RPL37: variants seen among roughly 807,000 people sequenced by gnomAD.
RPL37 encodes ribosomal protein L37.
A neutral mutation model predicts 14.8 loss-of-function variants in RPL37; 1 was observed. The ratio of observed to expected loss-of-function variants is 0.07; its 90% CI spans 0.02 to 0.32. The LOEUF is 0.32. Among genes scored for constraint, RPL37 ranks in the 10% least tolerant of loss-of-function variants. The probability of loss-of-function intolerance (pLI) is 1.00; values close to 1 mark genes in which losing one functional copy is unlikely to be tolerated. For synonymous variants in RPL37, 53 were observed against 45.8 expected (o/e 1.16, Z -0.63); for missense variants, 100 against 128.3 (o/e 0.78, Z 1.06).
In RPL37 at chr5:40,829,971, C is replaced by T. The variant is rs151227583; in HGVS notation, c.*2533G>A. 0.023 allele frequency: 3,463 copies of T among 152,148 alleles called. 57 individuals carry two copies. Among genetic ancestry groups the T allele is most frequent in the Middle Eastern group, 0.062 (18 of 292 alleles). 9.4% of individuals were successfully genotyped at this position (152,148 alleles called of 1,614,324 possible). A position where few individuals can be genotyped will look rare whatever the true frequency, so the allele number is the denominator to read the frequency against. The stretch of plus-strand genomic sequence containing the variant: ...ACTATAGGACGTGAGCTACCGTACC[C>T]GGCCGCCACAGATTCAACCTTTCTA... On this transcript the variant is annotated 3_prime_UTR_variant, in exon 4 of 4. Transcript: ENST00000274242.
rs1745512135 is a variant in RPL37 at position 40,826,140 on chromosome 5, C to T, written c.*6364G>A. The stretch of plus-strand genomic sequence containing the variant: ...TTACTAATTTTATTCATATAACACT[C>T]CTCAGGAGTTCAAATAATTTTAATC... On this transcript the variant is annotated 3_prime_UTR_variant, in exon 4 of 4. Transcript: ENST00000274242. The T allele has an allele frequency of 1.3e-5, 2 of 152,164 alleles. No homozygotes were observed. The highest frequency in any genetic ancestry group is 1.3e-4 in the Admixed American group (2 of 15,264). The allele number at this position is 152,164 out of a possible 1,614,324, so 9.4% of individuals were successfully genotyped here.
chr5:40,835,053 A>G (rs1745735742), intron 1 of RPL37, 130 bp downstream of exon 1: 2 of 1,283,402 alleles, frequency 1.6e-6, no homozygotes, highest in East Asian at 4.8e-5. Flanking sequence ...CTTGAGGGCC[A>G]CCGCATGCCT....
rs571540412 is a variant in RPL37 at position 40,826,371 on chromosome 5, C to G, written c.*6133G>C. 6.6e-6 allele frequency: 1 copy of G among 151,996 alleles called. No individual in the cohort carries two copies. Among genetic ancestry groups the G allele is most frequent in the African/African-American group, 2.4e-5 (1 of 41,452 alleles). 9.4% of individuals were successfully genotyped at this position (151,996 alleles called of 1,614,324 possible). ...TATTTATTATTTTATTTTTTATATC[C>G]CAGCCCTCCCATGTAAGACTGGTCA... On this transcript the variant is annotated 3_prime_UTR_variant, in exon 4 of 4. Coordinates refer to ENST00000274242, the MANE Select transcript of RPL37 (RefSeq NM_000997.5).
chr5:40,835,159 A>T (rs375326381), intron 1 of RPL37, 24 bp downstream of exon 1: 2 of 1,614,128 alleles, frequency 1.2e-6, no homozygotes, highest in Non-Finnish European at 1.7e-6. Context: ...AACGCGATTC[A>T]CAAACACCAC....
In RPL37 at chr5:40,827,732, CT is replaced by C. The variant is rs34942723; in HGVS notation, c.*4771del. The C allele has an allele frequency of 5.5e-3, 801 of 145,722 alleles. 3 individuals carry two copies. The highest frequency in any genetic ancestry group is 8.5e-3 in the South Asian group (39 of 4,592). 9.0% of individuals were successfully genotyped at this position (145,722 alleles called of 1,614,324 possible). A position where few individuals can be genotyped will look rare whatever the true frequency, so the allele number is the denominator to read the frequency against. On this transcript the variant is annotated 3_prime_UTR_variant, in exon 4 of 4. Coordinates refer to ENST00000274242, the MANE Select transcript of RPL37 (RefSeq NM_000997.5). ...ATTTTGCTTAAGTCCTTCCTTTATC[CT>C]TTTTTTTTTTTGAGATGGAGTCTCG...
In RPL37 at chr5:40,826,580, G is replaced by T. The variant is rs1409249965; in HGVS notation, c.*5924C>A. ...GAAGCCCTTCAGAGAGCTTTGAAAT[G>T]TGTTTCGTACAACCATTTAGCTGGG... is the stretch of plus-strand genomic sequence containing the variant. On this transcript the variant is annotated 3_prime_UTR_variant, in exon 4 of 4. Transcript: ENST00000274242. 6.6e-6 allele frequency: 1 copy of T among 152,206 alleles called. No homozygotes were observed. The highest frequency in any genetic ancestry group is 1.5e-5 in the Non-Finnish European group (1 of 68,044). 9.4% of individuals were successfully genotyped at this position (152,206 alleles called of 1,614,324 possible).
Position 40,827,906 on chromosome 5 carries a change from T to G in RPL37, c.*4598A>C, listed in dbSNP as rs1408802767. The G allele has an allele frequency of 6.6e-6, 1 of 152,110 alleles. No homozygotes were observed. The highest frequency in any genetic ancestry group is 1.5e-5 in the Non-Finnish European group (1 of 68,040). 9.4% of individuals were successfully genotyped at this position (152,110 alleles called of 1,614,324 possible). A position where few individuals can be genotyped will look rare whatever the true frequency, so the allele number is the denominator to read the frequency against. On this transcript the variant is annotated 3_prime_UTR_variant, in exon 4 of 4. Transcript: ENST00000274242. ...CTTCCATTCTTAGTTCTTGAGGTTA[T>G]GCAGTGTCTTTGCCCTGTGCTTCTC...
rs965933142 is a variant in RPL37 at position 40,834,098 on chromosome 5, G to A, written c.224+83C>T. The A allele has an allele frequency of 3.0e-5, 29 of 951,546 alleles. 1 individual carries two copies. Among genetic ancestry groups the A allele is most frequent in the Non-Finnish European group, 4.8e-5 (28 of 583,812 alleles). The allele number at this position is 951,546 out of a possible 1,614,324, so 58.9% of individuals were successfully genotyped here. ...ACATCTCATCCCCAGTAACCATCAG[G>A]GTACTGTTATCTTTTTACAAGTAAA... On this transcript the variant is annotated intron_variant, in intron 3 of 3. Transcript: ENST00000274242.
At position 40,835,196 on chromosome 5, in the gene RPL37, C is replaced by G; in HGVS notation, c.-11G>C. The G allele has an allele frequency of 6.2e-7, 1 of 1,614,030 alleles. No homozygotes were observed. Among genetic ancestry groups the G allele is most frequent in the Non-Finnish European group, 8.5e-7 (1 of 1,180,002 alleles). On this transcript the variant is annotated 5_prime_UTR_variant, in exon 1 of 4. Transcript: ENST00000274242. ...GTCACAACTCACCATCTCGCTTCTGCGGCCGAGACCAGAAAGACCGGAAGA... is the reference window on the plus strand; with the variant it reads ...GTCACAACTCACCATCTCGCTTCTGGGGCCGAGACCAGAAAGACCGGAAGA...
intron 3 of RPL37, 132 bp from the exon 4 acceptor site, chr5:40,832,705 A>AC: frequency 1.3e-6 from 1 of 787,764 alleles, no homozygotes; most frequent in Non-Finnish European, 2.3e-6. Flanking sequence ...ATATGTTCAG[A>AC]CATTTATTTT....
At chr5:40,834,677 C>G in intron 1 of RPL37, 71 bp from the exon 2 acceptor site, 1 of 1,485,570 alleles carries the variant, frequency 6.7e-7, no homozygotes, top group East Asian at 2.3e-5. Flanking sequence ...TCCGGGAAAC[C>G]AATTACTGAT....
At chr5:40,834,049 A>C (rs1745705165) in intron 3 of RPL37, 132 bp downstream of exon 3, 6 of 691,242 alleles carry the variant, frequency 8.7e-6, no homozygotes, top group South Asian at 6.9e-5. Flanking sequence ...TGCCTCAAAA[A>C]CAACAATAAA....
rs1745577951 is a variant in RPL37, at chr5:40,829,047, G to A, written c.*3457C>T. 6.6e-6 allele frequency: 1 copy of A among 152,140 alleles called. No homozygotes were observed. Among genetic ancestry groups the A allele is most frequent in the African/African-American group, 2.4e-5 (1 of 41,430 alleles). The allele number at this position is 152,140 out of a possible 1,614,324, so 9.4% of individuals were successfully genotyped here. On this transcript the variant is annotated 3_prime_UTR_variant, in exon 4 of 4. Transcript: ENST00000274242. The stretch of plus-strand genomic sequence containing the variant: ...TACTGAAGTTCATCGATGAACTCAA[G>A]CCCTCTTGCTTACTCTGACTTCTAC...
chr5:40,834,632 C>T (rs749275079), intron 1 of RPL37, 26 bp from the exon 2 acceptor site: 1 of 1,575,144 alleles, frequency 6.3e-7, no homozygotes, highest in East Asian at 2.3e-5. Flanking sequence ...ATAAATAGTT[C>T]TGAAACCTGG....
rs528589354 is a variant in RPL37 at position 40,831,653 on chromosome 5, G to T, written c.*851C>A. 1.1e-4 allele frequency: 16 copies of T among 152,194 alleles called. No individual in the cohort carries two copies. Among genetic ancestry groups the T allele is most frequent in the African/African-American group, 3.9e-4 (16 of 41,478 alleles). The allele number at this position is 152,194 out of a possible 1,614,324, so 9.4% of individuals were successfully genotyped here. A position where few individuals can be genotyped will look rare whatever the true frequency, so the allele number is the denominator to read the frequency against. On this transcript the variant is annotated 3_prime_UTR_variant, in exon 4 of 4. Transcript: ENST00000274242. ...CTCACTCAGCAGTCCAGTTGACTTT[G>T]TCCCTTCATTTTAAAAAAACAAAAA...
Position 40,828,487 on chromosome 5 carries a change from C to T in RPL37, c.*4017G>A, listed in dbSNP as rs1227687929. On this transcript the variant is annotated 3_prime_UTR_variant, in exon 4 of 4. Transcript: ENST00000274242. ...GCACCATTTAGTCAATAAAAGGGAA[C>T]CACAGAATAGGTAAACTTCCAAAAG... The T allele has an allele frequency of 6.6e-6, 1 of 152,082 alleles. No homozygotes were observed. The highest frequency in any genetic ancestry group is 1.9e-4 in the East Asian group (1 of 5,188). The allele number at this position is 152,082 out of a possible 1,614,324, so 9.4% of individuals were successfully genotyped here.
At chr5:40,834,081 T>A in intron 3 of RPL37, 100 bp downstream of exon 3, 4 of 845,138 alleles carry the variant, frequency 4.7e-6, no homozygotes, top group Non-Finnish European at 5.9e-6. Context: ...CAACATCTCA[T>A]CCCCAGTAAC....
intron 3 of RPL37, among the ~76,000 whole-genome samples, chr5:40,832,927 G>A (rs577283355): frequency 8.5e-5 from 13 of 152,172 alleles, no homozygotes; most frequent in Non-Finnish European, 8.8e-5. Flanking sequence ...CTTTCACTAA[G>A]CAAGGAAAAA....
chr5:40,826,165 C>G lies in RPL37; in HGVS notation c.*6339G>C, dbSNP rs1478346083. 1.3e-5 allele frequency: 2 copies of G among 152,166 alleles called. No individual in the cohort carries two copies. The highest frequency in any genetic ancestry group is 3.8e-4 in the East Asian group (2 of 5,198). The allele number at this position is 152,166 out of a possible 1,614,324, so 9.4% of individuals were successfully genotyped here. On this transcript the variant is annotated 3_prime_UTR_variant, in exon 4 of 4. Transcript: ENST00000274242. Reference sequence around the variant, plus strand: ...CCTCAGGAGTTCAAATAATTTTAATCATTTTTAAGGCAAAGAAAATACTTT... The same window carrying G: ...CCTCAGGAGTTCAAATAATTTTAATGATTTTTAAGGCAAAGAAAATACTTT...
Sources: gnomAD v4.1 joint callset for allele counts (sites outside exome capture counted in the v4.1 genomes callset) on GRCh38, gnomAD v4.1.1 for gene constraint, MANE v1.5 for transcripts, NCBI Gene and HGNC (gene_info 2026-07-23, HGNC 2026-07-21) for gene names.